Variants in KIAA2012 observed in about 807,000 individuals in gnomAD.
KIAA2012 encodes the protein uncharacterized protein KIAA2012.
A neutral mutation model predicts 150.6 loss-of-function variants in KIAA2012; 125 were observed. That is an observed-to-expected ratio of 0.83 (90% CI 0.72 to 0.96). KIAA2012 has a LOEUF of 0.96. KIAA2012 is among the 40% of genes least tolerant of loss of function. The pLI, the probability that KIAA2012 is intolerant of heterozygous loss-of-function variation, is 0.00. For missense variants in KIAA2012, 1,219 were observed against 1,354.9 expected, an observed-to-expected ratio of 0.90 and a Z score of 1.57; for synonymous variants, 462 against 504.7, an observed-to-expected ratio of 0.92 and a Z score of 1.13.
intron 19 of KIAA2012, among the ~76,000 whole-genome samples, chr2:202,191,565 GAAAAAAA>G (rs1692328556): frequency 7.1e-6 from 1 of 140,156 alleles, no homozygotes; most frequent in African/African-American, 2.6e-5. Flanking sequence ...AAAAAAAAAA[GAAAAAAA>G]AGAAAAAAGA....
rs923886793 is a variant in KIAA2012 at position 202,102,291 on chromosome 2, G to A, written c.1156-655G>A. Among the ~76,000 whole-genome samples the A allele has an allele frequency of 2.0e-5, 3 of 152,218 alleles. No individual in the cohort carries two copies. In the East Asian group the frequency reaches 5.8e-4, roughly 29 times the overall value. On this transcript the variant is annotated intron_variant, in intron 7 of 23. Transcript: ENST00000498697. ...TTTCAGCTATGTTCATATTACATAA[G>A]TATGAAAAACTTCAATTTTTCTGCT...
At chr2:202,196,355 C>T (rs549468623) in intron 21 of KIAA2012, among the ~76,000 whole-genome samples, 35 of 151,780 alleles carry the variant, frequency 2.3e-4, no homozygotes, top group African/African-American at 8.2e-4. Context: ...CCACCACGCC[C>T]CGCTAATTTT....
chr2:202,196,711 T>C, intron 21 of KIAA2012, 89 bp from the exon 22 acceptor site: 1 of 1,483,274 alleles, frequency 6.7e-7, no homozygotes, highest in Non-Finnish European at 9.0e-7. Flanking sequence ...CGGGGAGTCC[T>C]TCAGAATCAC....
At chr2:202,199,638 A>C (rs1692475137) in intron 22 of KIAA2012, among the ~76,000 whole-genome samples, 1 of 152,196 alleles carries the variant, frequency 6.6e-6, no homozygotes, top group African/African-American at 2.4e-5. Flanking sequence ...ATTTTAAGAC[A>C]AAATAAAATC....
chr2:202,091,071 G>A (rs1689707399), intron 3 of KIAA2012, 142 bp downstream of exon 3: 1 of 1,110,356 alleles, frequency 9.0e-7, no homozygotes, highest in Non-Finnish European at 1.2e-6. Flanking sequence ...ACGCTTGGTA[G>A]CCCACAAGCC....
At chr2:202,181,303 T>C (rs1051516640) in intron 15 of KIAA2012, among the ~76,000 whole-genome samples, 6 of 152,210 alleles carry the variant, frequency 3.9e-5, no homozygotes, top group African/African-American at 1.4e-4. Flanking sequence ...AGGCCAGGCG[T>C]GGCAGCTTAT....
intron 22 of KIAA2012, among the ~76,000 whole-genome samples, chr2:202,199,452 T>C (rs1692472184): frequency 6.6e-6 from 1 of 152,140 alleles, no homozygotes; most frequent in African/African-American, 2.4e-5. Flanking sequence ...ATATTTGTAT[T>C]TTTTATTTTT....
chr2:202,186,762 T>C (rs1270612445), intron 16 of KIAA2012, among the ~76,000 whole-genome samples, 171 bp from the exon 17 acceptor site: 2 of 152,196 alleles, frequency 1.3e-5, no homozygotes, highest in African/African-American at 4.8e-5. Flanking sequence ...AGACCAATCT[T>C]TCTCATCTTC....
chr2:202,114,821 G>T (rs1402829204), intron 11 of KIAA2012: 1 of 164,104 alleles, frequency 6.1e-6, no homozygotes, highest in African/African-American at 2.4e-5. Flanking sequence ...CTGCCATCTT[G>T]TCCCAGTCCC....
chr2:202,170,276 G>A (rs1304861895), intron 15 of KIAA2012, among the ~76,000 whole-genome samples: 1 of 152,164 alleles, frequency 6.6e-6, no homozygotes, highest in African/African-American at 2.4e-5. Flanking sequence ...AAACCTCTGG[G>A]CCTCTGGAGG....
At chr2:202,139,954 G>T (rs553966184) in intron 13 of KIAA2012, among the ~76,000 whole-genome samples, 1 of 152,308 alleles carries the variant, frequency 6.6e-6, no homozygotes, top group African/African-American at 2.4e-5. Context: ...GCTCAGCCAG[G>T]TGCAGTGGCT....
intron 19 of KIAA2012, among the ~76,000 whole-genome samples, chr2:202,192,084 T>C (rs1692334281): frequency 6.6e-6 from 1 of 152,240 alleles, no homozygotes; most frequent in Non-Finnish European, 1.5e-5. Flanking sequence ...CCCAGCTTCC[T>C]GGATCACACA....
At chr2:202,188,704 A>G (rs1380831054) in intron 18 of KIAA2012, among the ~76,000 whole-genome samples, 3 of 152,182 alleles carry the variant, frequency 2.0e-5, no homozygotes. Flanking sequence ...GTCCTTTCCT[A>G]TTTGACTCCC....
chr2:202,201,322 T>C lies in KIAA2012; in HGVS notation c.3408-1107T>C, dbSNP rs886304437. 4 of 1,585,662 alleles carry C rather than the reference T, an allele frequency of 2.5e-6. No homozygotes were observed. The African/African-American group carries it at 5.4e-5, about 21-fold the overall frequency. ...GTTAATATGACTACAGCAGTTACATTGTGAGAAGTGCTGAAGGTATGTGAT... is the reference window on the plus strand; with the variant it reads ...GTTAATATGACTACAGCAGTTACATCGTGAGAAGTGCTGAAGGTATGTGAT... On this transcript the variant is annotated intron_variant, in intron 22 of 23. Transcript: ENST00000498697.
At chr2:202,119,175 G>A (rs773646897) in intron 11 of KIAA2012, among the ~76,000 whole-genome samples, 32 of 152,106 alleles carry the variant, frequency 2.1e-4, no homozygotes, top group Non-Finnish European at 3.4e-4. Context: ...GGGAGGCTGA[G>A]GCAGGAGAAT....
intron 16 of KIAA2012, 112 bp from the exon 17 acceptor site, chr2:202,186,821 T>C: frequency 2.0e-6 from 2 of 984,014 alleles, no homozygotes; most frequent in South Asian, 4.0e-5. Context: ...GTATGTCAAA[T>C]GTCAGGCACA....
At chr2:202,079,262 A>G (rs1574999028) in intron 2 of KIAA2012, among the ~76,000 whole-genome samples, 2 of 152,216 alleles carry the variant, frequency 1.3e-5, no homozygotes, top group East Asian at 3.8e-4. Context: ...TGAGTCCACC[A>G]ATAACCACAC....
intron 2 of KIAA2012, among the ~76,000 whole-genome samples, chr2:202,081,245 C>T (rs2105909556): frequency 6.6e-6 from 1 of 152,312 alleles, no homozygotes; most frequent in Middle Eastern, 3.4e-3. Flanking sequence ...TTTTTCCATT[C>T]TTCCATCAAC....
At chr2:202,187,628 G>A (rs1236169782) in intron 17 of KIAA2012, among the ~76,000 whole-genome samples, 1 of 152,108 alleles carries the variant, frequency 6.6e-6, no homozygotes, top group Admixed American at 6.5e-5. Context: ...TCCTACAAAG[G>A]TACTGAGTGG....
Sources: gnomAD v4.1 joint callset for allele counts (sites outside exome capture counted in the v4.1 genomes callset) on GRCh38, gnomAD v4.1.1 for gene constraint, MANE v1.5 for transcripts, NCBI Gene and HGNC (gene_info 2026-07-23, HGNC 2026-07-21) for gene names.